Variants in FAM117B observed in about 807,000 individuals in gnomAD.
FAM117B encodes the protein protein FAM117B.
A neutral mutation model predicts 52.8 loss-of-function variants in FAM117B; 22 were observed. The observed-to-expected ratio is 0.42, with a 90% CI of 0.30 to 0.59. FAM117B has a LOEUF of 0.59. Among genes scored for constraint, FAM117B ranks in the 20% least tolerant of loss-of-function variants. FAM117B has a pLI of 0.22. For missense variants in FAM117B, 678 were observed against 802.6 expected (o/e 0.84, Z 1.88); for synonymous variants, 309 against 324.1 (o/e 0.95, Z 0.50).
intron 2 of FAM117B, among the ~76,000 whole-genome samples, chr2:202,715,928 G>A (rs1297445151): frequency 3.3e-5 from 5 of 152,186 alleles, no homozygotes; most frequent in Admixed American, 1.3e-4. Flanking sequence ...AAAAAAATAC[G>A]AAAACCAGTC....
intron 1 of FAM117B, among the ~76,000 whole-genome samples, chr2:202,669,783 A>G (rs1690261878): frequency 6.6e-6 from 1 of 152,194 alleles, no homozygotes; most frequent in African/African-American, 2.4e-5. Flanking sequence ...AAGAAATATT[A>G]AAGCACTAAT....
chr2:202,642,216 G>A (rs1287005235), intron 1 of FAM117B, among the ~76,000 whole-genome samples: 5 of 149,600 alleles, frequency 3.3e-5, no homozygotes, highest in African/African-American at 7.4e-5. Flanking sequence ...GCCTCCCAAA[G>A]TGCTGGGATT....
intron 4 of FAM117B, among the ~76,000 whole-genome samples, chr2:202,753,537 TTCTGC>T (rs938264813): frequency 1.3e-5 from 2 of 152,082 alleles, no homozygotes; most frequent in Non-Finnish European, 2.9e-5. Context: ...GCTAAAGAGC[TTCTGC>T]TCAGCAAAAG....
chr2:202,639,236 T>C (rs1481384081), intron 1 of FAM117B, among the ~76,000 whole-genome samples: 1 of 152,214 alleles, frequency 6.6e-6, no homozygotes, highest in Non-Finnish European at 1.5e-5. Flanking sequence ...TGCTGTAACC[T>C]TTGTTAGGGA....
At chr2:202,699,742 A>G (rs1416766737) in intron 2 of FAM117B, among the ~76,000 whole-genome samples, 2 of 152,206 alleles carry the variant, frequency 1.3e-5, no homozygotes, top group African/African-American at 4.8e-5. Context: ...TTAAAAATAC[A>G]TGCCTATGTC....
At chr2:202,752,880 C>T (rs1559115993) in intron 4 of FAM117B, among the ~76,000 whole-genome samples, 1 of 152,168 alleles carries the variant, frequency 6.6e-6, no homozygotes, top group Non-Finnish European at 1.5e-5. Flanking sequence ...AAAATCTCTA[C>T]ATAGATTTTG....
chr2:202,723,007 A>C (rs1198142816), intron 2 of FAM117B, among the ~76,000 whole-genome samples: 1 of 152,196 alleles, frequency 6.6e-6, no homozygotes, highest in Admixed American at 6.5e-5. Flanking sequence ...ATGAGAAATT[A>C]TAAGTACAGT....
In FAM117B at chr2:202,765,578, A is replaced by G. The variant is rs1219213526; in HGVS notation, c.1584A>G (p.Thr528=). The G allele has an allele frequency of 6.2e-7, 1 of 1,613,920 alleles. No homozygotes were observed. Among genetic ancestry groups the G allele is most frequent in the Admixed American group, 1.7e-5 (1 of 60,006 alleles). ...CACTCCTTCCTACCCCGGATCTTACACTCAAGGGCTCTGGCCACAGCCTGA... is the reference window on the plus strand; with the variant it reads ...CACTCCTTCCTACCCCGGATCTTACGCTCAAGGGCTCTGGCCACAGCCTGA... ...LKPLLPTPDL[T]LKGSGHSLTV... The change falls in exon 8 of 8, where the codon ACA becomes ACG. Residue 528 remains threonine, a synonymous_variant. Transcript: ENST00000392238.
intron 4 of FAM117B, among the ~76,000 whole-genome samples, chr2:202,728,741 AC>A (rs1284263392): frequency 2.0e-5 from 3 of 152,166 alleles, no homozygotes; most frequent in Non-Finnish European, 4.4e-5. Flanking sequence ...TTGTGTTAAA[AC>A]CAACAATTTT....
intron 4 of FAM117B, among the ~76,000 whole-genome samples, chr2:202,746,953 AAAAAC>A (rs1423044662): frequency 1.8e-5 from 2 of 110,332 alleles, no homozygotes; most frequent in African/African-American, 6.0e-5. Context: ...CACCGGAAAA[AAAAAC>A]AAAACAAAAA....
At chr2:202,641,421 AAGTATTCCATGGTTAAT>A (rs1229906169) in intron 1 of FAM117B, among the ~76,000 whole-genome samples, 1 of 152,192 alleles carries the variant, frequency 6.6e-6, no homozygotes, top group Non-Finnish European at 1.5e-5. Context: ...ATACATTAGA[AAGTATTCCATGGTTAAT>A]AGTATGTACT....
At chr2:202,709,707 A>G (rs1423999682) in intron 2 of FAM117B, among the ~76,000 whole-genome samples, 1 of 152,180 alleles carries the variant, frequency 6.6e-6, no homozygotes, top group Non-Finnish European at 1.5e-5. Flanking sequence ...TGTCATAGCC[A>G]TGAAATCATT....
In FAM117B at chr2:202,766,028, T is replaced by A. The variant is rs1370125912; in HGVS notation, c.*264T>A. 2 of 452,010 alleles carry A rather than the reference T, an allele frequency of 4.4e-6. No homozygotes were observed. 28.0% of individuals were successfully genotyped at this position (452,010 alleles called of 1,614,324 possible). ...ATTCTTTACCTTTGGAGAGACAATA[T>A]CACGTTTTTGTTTTCGAATTAGACT... On this transcript the variant is annotated 3_prime_UTR_variant, in exon 8 of 8. Coordinates refer to ENST00000392238, the MANE Select transcript of FAM117B (RefSeq NM_173511.4).
chr2:202,761,662 G>T (rs1691891554), intron 7 of FAM117B, among the ~76,000 whole-genome samples: 1 of 152,086 alleles, frequency 6.6e-6, no homozygotes, highest in African/African-American at 2.4e-5. Context: ...AAGTAGCTGG[G>T]ATTACAGACA....
At chr2:202,655,712 G>GAC (rs1324745950) in intron 1 of FAM117B, among the ~76,000 whole-genome samples, 3,819 of 35,420 alleles carry the variant, frequency 0.11, 106 homozygotes, top group South Asian at 0.18. Flanking sequence ...GAGAGTGAGA[G>GAC]AGAGAGAGAG....
intron 1 of FAM117B, among the ~76,000 whole-genome samples, chr2:202,655,947 C>G (rs2105759070): frequency 6.6e-6 from 1 of 152,166 alleles, no homozygotes; most frequent in South Asian, 2.1e-4. Flanking sequence ...AGATACAGGA[C>G]TATTAGGTTA....
chr2:202,682,903 A>G (rs970770381), intron 1 of FAM117B, among the ~76,000 whole-genome samples: 1 of 150,216 alleles, frequency 6.7e-6, no homozygotes, highest in Non-Finnish European at 1.5e-5. Flanking sequence ...GAAAATGTTT[A>G]TAAATGATTA....
intron 1 of FAM117B, among the ~76,000 whole-genome samples, chr2:202,653,367 T>C (rs1179245545): frequency 6.6e-6 from 1 of 152,076 alleles, no homozygotes; most frequent in Non-Finnish European, 1.5e-5. Context: ...TTTTGTTTTG[T>C]TTTGTTTTGT....
At chr2:202,668,518 ACT>A (rs1690243805) in intron 1 of FAM117B, among the ~76,000 whole-genome samples, 1 of 123,606 alleles carries the variant, frequency 8.1e-6, no homozygotes. Flanking sequence ...ACAGAGCGAG[ACT>A]CTCTCTCAAA....
Sources: gnomAD v4.1 joint callset for allele counts (sites outside exome capture counted in the v4.1 genomes callset) on GRCh38, gnomAD v4.1.1 for gene constraint, MANE v1.5 for transcripts, NCBI Gene and HGNC (gene_info 2026-07-23, HGNC 2026-07-21) for gene names.